Variants in KLHL14 observed in about 807,000 individuals in gnomAD.
KLHL14 encodes the protein kelch like family member 14.
In KLHL14, 22 loss-of-function variants were observed where a neutral mutation model predicts 64.3. That is an observed-to-expected ratio of 0.34 (90% CI 0.24 to 0.49). The LOEUF is 0.49. KLHL14 is among the 20% of genes least tolerant of loss of function. The probability of loss-of-function intolerance (pLI) is 0.99; values close to 1 mark genes in which losing one functional copy is unlikely to be tolerated. For synonymous variants in KLHL14, 322 were observed against 333.4 expected (o/e 0.97, Z 0.37); for missense variants, 661 against 789.0 (o/e 0.84, Z 1.94).
intron 7 of KLHL14, among the ~76,000 whole-genome samples, chr18:32,677,573 G>A (rs936463915): frequency 2.0e-5 from 3 of 152,226 alleles, no homozygotes; most frequent in African/African-American, 4.8e-5. Context: ...ATTAGCAAAG[G>A]TTGATTATAT....
intron 3 of KLHL14, among the ~76,000 whole-genome samples, chr18:32,717,097 C>A (rs2050050125): frequency 6.6e-6 from 1 of 152,078 alleles, no homozygotes; most frequent in Admixed American, 6.6e-5. Context: ...CCTGGTTGTA[C>A]CATAATAAAT....
rs1251701831 is a variant in KLHL14, at chr18:32,770,355, C to T, written c.237G>A (p.Gly79=). 2 of 1,585,348 alleles carry T rather than the reference C, an allele frequency of 1.3e-6. No individual in the cohort carries two copies. The highest frequency in any genetic ancestry group is 1.2e-5 in the South Asian group (1 of 86,088). ...GGGVGGQDGL[G]APKDQQQPPQ... ...GCGGCTGCTGCTGGTCCTTGGGGGC[C>T]CCCAGGCCGTCCTGGCCGCCGACCC... Residue 79 remains glycine, a synonymous_variant, in exon 2 of 9, where the codon GGG becomes GGA. Coordinates refer to ENST00000359358, the MANE Select transcript of KLHL14 (RefSeq NM_020805.3). The surrounding 1 kb of genome is among the most constrained non-coding windows in gnomAD (Gnocchi z 6.7).
At chr18:32,743,803 G>C (rs1422606796) in intron 2 of KLHL14, 1 of 152,138 alleles carries the variant, frequency 6.6e-6, no homozygotes, top group Non-Finnish European at 1.5e-5. Flanking sequence ...CTTTCACTTG[G>C]AAAACATACA....
intron 3 of KLHL14, among the ~76,000 whole-genome samples, chr18:32,711,186 T>A (rs2050017384): frequency 6.6e-6 from 1 of 151,920 alleles, no homozygotes; most frequent in Non-Finnish European, 1.5e-5. Context: ...CCTCTTCAAG[T>A]CACAGCCCAT....
At chr18:32,727,407 TA>T (rs2050113439) in intron 3 of KLHL14, among the ~76,000 whole-genome samples, 1 of 152,194 alleles carries the variant, frequency 6.6e-6, no homozygotes, top group African/African-American at 2.4e-5. Context: ...AACTGGGCAT[TA>T]AAGATACATT....
intron 3 of KLHL14, among the ~76,000 whole-genome samples, chr18:32,702,943 G>C (rs891420381): frequency 3.3e-5 from 5 of 152,200 alleles, no homozygotes; most frequent in African/African-American, 1.2e-4. Context: ...GTGCAAGAAC[G>C]AAGAGAGCTT....
At chr18:32,737,417 A>G (rs2050171777) in intron 3 of KLHL14, 1 of 152,198 alleles carries the variant, frequency 6.6e-6, no homozygotes, top group African/African-American at 2.4e-5. Context: ...GAATGTATCA[A>G]CATGCAGGTT....
Position 32,769,842 on chromosome 18 carries a change from G to C in KLHL14, c.750C>G (p.Arg250=), listed in dbSNP as rs139152753. The change falls in exon 2 of 9, where the codon CGC becomes CGG. Residue 250 remains arginine, a synonymous_variant. Coordinates refer to ENST00000359358, the MANE Select transcript of KLHL14 (RefSeq NM_020805.3). The part of the protein sequence containing the change: ...QMSVLWLEHD[R]ETRMQYAPDL... The stretch of plus-strand genomic sequence containing the variant: ...CAGGCGCATACTGCATGCGGGTCTC[G>C]CGGTCGTGCTCCAGCCACAGCACGG... 3.6e-5 allele frequency: 58 copies of C among 1,613,650 alleles called. No homozygotes were observed. Among genetic ancestry groups the C allele is most frequent in the African/African-American group, 1.3e-5 (1 of 74,936 alleles).
rs993014839 is a variant in KLHL14 at position 32,683,390 on chromosome 18, G to C, written c.1239-2791C>G. The stretch of plus-strand genomic sequence containing the variant: ...TTGCATGACCAAAGTGAGAGTTCCT[G>C]AAATGCATTTTAGAAACCTGATTGT... On this transcript the variant is annotated intron_variant, in intron 5 of 8. Coordinates refer to ENST00000359358, the MANE Select transcript of KLHL14 (RefSeq NM_020805.3). This position sits in a 1 kb window ranked among gnomAD's most constrained non-coding sequence, Gnocchi z 4.2. Among the ~76,000 whole-genome samples the C allele has an allele frequency of 2.0e-5, 3 of 152,176 alleles. No individual in the cohort carries two copies. Among genetic ancestry groups the C allele is most frequent in the Non-Finnish European group, 4.4e-5 (3 of 68,034 alleles).
At chr18:32,754,048 G>A (rs964758030) in intron 2 of KLHL14, among the ~76,000 whole-genome samples, 3 of 152,214 alleles carry the variant, frequency 2.0e-5, no homozygotes, top group African/African-American at 7.2e-5. Flanking sequence ...GCTTGCTACT[G>A]AGCAAGCTGG....
chr18:32,743,973 C>A (rs1282296557), intron 2 of KLHL14: 1 of 152,056 alleles, frequency 6.6e-6, no homozygotes, highest in Non-Finnish European at 1.5e-5. Context: ...CTGCAAATGA[C>A]CATGTGTAGA....
intron 3 of KLHL14, chr18:32,740,784 C>T (rs1264988485): frequency 6.6e-6 from 1 of 152,192 alleles, no homozygotes; most frequent in African/African-American, 2.4e-5. Context: ...TTTACTACAA[C>T]CGTAGCGCAT....
chr18:32,727,562 T>C (rs1270601006), intron 3 of KLHL14, among the ~76,000 whole-genome samples: 1 of 152,210 alleles, frequency 6.6e-6, no homozygotes, highest in African/African-American at 2.4e-5. Flanking sequence ...ACACATCCCC[T>C]TATCTGCACA....
intron 3 of KLHL14, among the ~76,000 whole-genome samples, chr18:32,717,978 C>A (rs1027563808): frequency 2.5e-4 from 38 of 152,276 alleles, no homozygotes; most frequent in African/African-American, 8.7e-4. Context: ...TTCTACAGCC[C>A]AGTAGTTACC....
chr18:32,696,444 G>A lies in KLHL14; in HGVS notation c.1070-892C>T, dbSNP rs1025594991. Among the ~76,000 whole-genome samples the A allele has an allele frequency of 9.9e-5, 15 of 152,186 alleles. No homozygotes were observed. In the East Asian group the frequency reaches 1.7e-3, roughly 18 times the overall value. The stretch of plus-strand genomic sequence containing the variant: ...ATAATATCCTATGGTAAATGTAAAC[G>A]TATACAGCATTAGTTATCATATCTC... On this transcript the variant is annotated intron_variant, in intron 3 of 8. Transcript: ENST00000359358.
chr18:32,732,260 C>T (rs1235505386), intron 3 of KLHL14, among the ~76,000 whole-genome samples: 2 of 152,116 alleles, frequency 1.3e-5, no homozygotes, highest in Non-Finnish European at 2.9e-5. Flanking sequence ...GTTTTATATC[C>T]TGGTAATGAA....
intron 3 of KLHL14, among the ~76,000 whole-genome samples, chr18:32,700,057 T>C (rs1440411451): frequency 1.4e-5 from 2 of 145,428 alleles, no homozygotes; most frequent in East Asian, 2.0e-4. Context: ...ATGAAGGCCT[T>C]ACTGTACTAG....
At chr18:32,771,821 G>A (rs1375775583) in intron 1 of KLHL14, among the ~76,000 whole-genome samples, 1 of 151,734 alleles carries the variant, frequency 6.6e-6, no homozygotes, top group Non-Finnish European at 1.5e-5. Flanking sequence ...GGGAGCAGTG[G>A]GGTGCGGGGT....
intron 3 of KLHL14, among the ~76,000 whole-genome samples, chr18:32,697,546 C>T (rs1464186660): frequency 1.3e-5 from 2 of 151,936 alleles, no homozygotes; most frequent in Non-Finnish European, 2.9e-5. Context: ...ACATTTTGCC[C>T]AAATCTTATA....
Sources: allele counts gnomAD v4.1 joint callset (sites outside exome capture counted in the v4.1 genomes callset), GRCh38; gene constraint gnomAD v4.1.1; non-coding constraint Gnocchi (gnomAD v3.1); transcripts MANE v1.5; gene names NCBI Gene and HGNC (gene_info 2026-07-23, HGNC 2026-07-21).